ERCC6L2: variants seen among roughly 807,000 people sequenced by gnomAD.
ERCC6L2 encodes DNA excision repair protein ERCC-6-like 2.
ERCC6L2 carries 77 observed loss-of-function variants against 132.0 expected under a neutral mutation model. The ratio of observed to expected loss-of-function variants is 0.58; its 90% confidence interval spans 0.49 to 0.71. The LOEUF (loss-of-function observed/expected upper bound fraction) is 0.71, where lower values mean the gene tolerates loss of function less well. Ranked by LOEUF, ERCC6L2 falls within the 30% of genes least tolerant of loss-of-function variation. ERCC6L2 has a pLI of 0.00. For synonymous variants in ERCC6L2, 583 were observed against 632.4 expected, an observed-to-expected ratio of 0.92 and a Z score of 1.17; for missense variants, 1,542 against 1,837.6, an observed-to-expected ratio of 0.84 and a Z score of 2.94.
rs778131291 is a variant in ERCC6L2 at position 96,012,804 on chromosome 9, C to T, written c.4254C>T (p.Leu1418=). ...GCATTTCAAGAAAAGAACCCCTTCT[C>T]AAATTGGAAAACAAAAAGATAGAAA... The part of the protein sequence containing the change: ...RTGISRKEPL[L]KLENKKIENP... The change falls in exon 19 of 19, where the codon CTC becomes CTT. Residue 1418 remains leucine, a synonymous_variant. Transcript: ENST00000653738. 7 of 1,367,548 alleles carry T rather than the reference C, an allele frequency of 5.1e-6. No homozygotes were observed. The South Asian group carries it at 5.7e-5, about 11-fold the overall frequency. 84.7% of individuals were successfully genotyped at this position (1,367,548 alleles called of 1,614,324 possible).
intron 3 of ERCC6L2, among the ~76,000 whole-genome samples, chr9:95,902,808 A>G (rs1293892754): frequency 6.6e-6 from 1 of 152,106 alleles, no homozygotes; most frequent in African/African-American, 2.4e-5. Context: ...AGCATTTCAG[A>G]TGTTTAAAAG....
At position 95,959,449 on chromosome 9, in the gene ERCC6L2, C is replaced by T. The variant is rs1420628439; in HGVS notation, c.1947+3436C>T. Among the ~76,000 whole-genome samples, 3 of 151,654 alleles carry T rather than the reference C, an allele frequency of 2.0e-5. No homozygotes were observed. In the South Asian group the frequency reaches 6.2e-4, roughly 32 times the overall value. ...ACCCTAGAAGAAAACCTAGGCAATA[C>T]CATTCAGGACATAGGCATGGGCAAG... On this transcript the variant is annotated intron_variant, in intron 13 of 18. Transcript: ENST00000653738.
At chr9:95,911,162 TG>T (rs1273568490) in intron 4 of ERCC6L2, among the ~76,000 whole-genome samples, 1 of 152,190 alleles carries the variant, frequency 6.6e-6, no homozygotes, top group Non-Finnish European at 1.5e-5. Flanking sequence ...CCCAAAGTGC[TG>T]GGATTATAGG....
chr9:95,897,003 A>G (rs1406219502), intron 2 of ERCC6L2, among the ~76,000 whole-genome samples: 4 of 152,002 alleles, frequency 2.6e-5, no homozygotes, highest in South Asian at 2.1e-4. Flanking sequence ...CTTGTTAAGT[A>G]TACTTTTTTC....
At chr9:95,880,777 T>C in intron 1 of ERCC6L2, 92 bp from the exon 2 acceptor site, 1 of 1,129,236 alleles carries the variant, frequency 8.9e-7, no homozygotes, top group South Asian at 1.7e-5. Flanking sequence ...AAGGCATTTA[T>C]GTGAGGTATA....
In ERCC6L2 at chr9:96,013,178, C is replaced by G; in HGVS notation, c.4628C>G (p.Ala1543Gly). ...KFSPSDTDENATNTQSTT is the reference protein window; with the variant it reads ...KFSPSDTDENGTNTQSTT The stretch of plus-strand genomic sequence containing the variant: ...AGCCCAAGTGATACAGATGAAAACG[C>G]AACCAATACACAGAGTACCACATAA... Residue 1543 changes from alanine to glycine, a missense_variant, in exon 19 of 19, where the codon GCA becomes GGA. Physicochemically the swap from Ala to Gly is moderately conservative, Grantham distance 60. Transcript: ENST00000653738. 1.5e-6 allele frequency: 2 copies of G among 1,365,144 alleles called. No homozygotes were observed. Among genetic ancestry groups the G allele is most frequent in the Non-Finnish European group, 2.0e-6 (2 of 1,021,132 alleles). The allele number at this position is 1,365,144 out of a possible 1,614,324, so 84.6% of individuals were successfully genotyped here.
chr9:95,968,103 A>T (rs1045808342), intron 14 of ERCC6L2: 2 of 152,218 alleles, frequency 1.3e-5, no homozygotes, highest in African/African-American at 2.4e-5. Context: ...ACTGCACTCC[A>T]GCCTGGGGAA....
chr9:95,992,469 C>G (rs903557657), intron 17 of ERCC6L2, among the ~76,000 whole-genome samples: 1 of 152,130 alleles, frequency 6.6e-6, no homozygotes, highest in African/African-American at 2.4e-5. Flanking sequence ...GAAAATGTTA[C>G]TTTCTCTAAT....
At chr9:95,876,213 G>A (rs1827258419) in intron 1 of ERCC6L2, 129 bp downstream of exon 1, 12 of 824,308 alleles carry the variant, frequency 1.5e-5, no homozygotes, top group Non-Finnish European at 2.3e-5. Context: ...TGCAGATTGT[G>A]AACCCCTCCA....
chr9:95,994,484 G>A (rs570631657), intron 17 of ERCC6L2, among the ~76,000 whole-genome samples: 79 of 152,244 alleles, frequency 5.2e-4, no homozygotes, highest in Non-Finnish European at 9.6e-4. Flanking sequence ...TGTTTGCTCC[G>A]TGAGGTATAT....
chr9:95,954,166 G>A (rs143640155), intron 12 of ERCC6L2, among the ~76,000 whole-genome samples: 2,179 of 152,272 alleles, frequency 0.014, 57 homozygotes, highest in African/African-American at 0.05. Flanking sequence ...GTCAGGATCT[G>A]AATCCATGTG....
At chr9:95,910,362 T>G (rs1398198030) in intron 4 of ERCC6L2, among the ~76,000 whole-genome samples, 1 of 152,208 alleles carries the variant, frequency 6.6e-6, no homozygotes, top group Non-Finnish European at 1.5e-5. Context: ...TCTTGATGTT[T>G]TATCTGATAT....
At chr9:95,955,761 A>G (rs1831568209) in intron 12 of ERCC6L2, among the ~76,000 whole-genome samples, 153 bp from the exon 13 acceptor site, 1 of 152,160 alleles carries the variant, frequency 6.6e-6, no homozygotes, top group Non-Finnish European at 1.5e-5. Flanking sequence ...TGAATTTTTG[A>G]ATTATTACTA....
At position 95,990,857 on chromosome 9, in the gene ERCC6L2, A is replaced by G. The variant is rs113944865; in HGVS notation, c.3492+12642A>G. ...GCACGTGGGTTCTTGTCTGGTGTCC[A>G]GGAAGAATCAGGTCATATGAACTGT... On this transcript the variant is annotated intron_variant, in intron 17 of 18. Transcript: ENST00000653738. Among the ~76,000 whole-genome samples, 1,475 of 152,302 alleles carry G rather than the reference A, an allele frequency of 9.7e-3. 16 individuals carry two copies. The highest frequency in any genetic ancestry group is 0.017 in the Non-Finnish European group (1,173 of 68,014).
At chr9:95,964,563 A>AG (rs1426191881) in intron 13 of ERCC6L2, among the ~76,000 whole-genome samples, 2 of 152,178 alleles carry the variant, frequency 1.3e-5, no homozygotes, top group Admixed American at 6.5e-5. Flanking sequence ...AGGGTCAGAG[A>AG]GAAAAATAAT....
chr9:95,951,269 A>G (rs971402614), intron 12 of ERCC6L2, among the ~76,000 whole-genome samples: 7 of 152,192 alleles, frequency 4.6e-5, no homozygotes, highest in African/African-American at 1.7e-4. Flanking sequence ...GCTTGAAACA[A>G]ATGAAAACAC....
chr9:95,906,442 G>T (rs1330775798), intron 3 of ERCC6L2: 2 of 324,584 alleles, frequency 6.2e-6, no homozygotes, highest in East Asian at 8.6e-5. Context: ...TGTATGAGGG[G>T]TTTTTTTGGA....
chr9:95,952,134 C>T (rs1831361171), intron 12 of ERCC6L2, among the ~76,000 whole-genome samples: 1 of 124,882 alleles, frequency 8.0e-6, no homozygotes, highest in African/African-American at 3.2e-5. Context: ...AGCCATTGCA[C>T]TCCAGCCTGG....
In ERCC6L2 at chr9:95,972,350, G is replaced by T; in HGVS notation, c.2599G>T (p.Glu867Ter). The change falls in exon 16 of 19, where the codon GAG (glutamate) becomes TAG (stop). Residue 867 changes from glutamate (E) to a stop codon, truncating the protein, a stop_gained. Transcript: ENST00000653738. LOFTEE classifies it high-confidence loss of function. The stretch of plus-strand genomic sequence containing the variant: ...AGAAAAGCATATTTTTTATAAAAGT[G>T]AGAAGATTTTAGAACAGAATATTTC... The part of the protein sequence containing the change: ...PKEKHIFYKS[E>*]KILEQNISSK... The T allele has an allele frequency of 7.8e-7, 1 of 1,286,428 alleles. No individual in the cohort carries two copies. Among genetic ancestry groups the T allele is most frequent in the Non-Finnish European group, 1.0e-6 (1 of 984,918 alleles). The allele number at this position is 1,286,428 out of a possible 1,614,324, so 79.7% of individuals were successfully genotyped here. A position where few individuals can be genotyped will look rare whatever the true frequency, so the allele number is the denominator to read the frequency against.
Sources: allele counts gnomAD v4.1 joint callset (sites outside exome capture counted in the v4.1 genomes callset), GRCh38; gene constraint gnomAD v4.1.1; transcripts MANE v1.5; gene names NCBI Gene and HGNC (gene_info 2026-07-23, HGNC 2026-07-21).